The following LRBA variants were observed in gnomAD, a reference collection of about 807,000 sequenced individuals.
LRBA encodes the protein LPS responsive beige-like anchor protein, also known as lipopolysaccharide-responsive and beige-like anchor protein.
In LRBA, 176 loss-of-function variants were observed where a neutral mutation model predicts 330.0. That is an observed-to-expected ratio of 0.53 (90% CI 0.47 to 0.60). LRBA has a LOEUF of 0.60. Among genes scored for constraint, LRBA ranks in the 20% least tolerant of loss-of-function variants. LRBA has a pLI of 0.00. For missense variants in LRBA, 3,259 were observed against 3,444.8 expected, an observed-to-expected ratio of 0.95 and a Z score of 1.35; for synonymous variants, 1,230 against 1,193.0, an observed-to-expected ratio of 1.03 and a Z score of -0.64.
intron 46 of LRBA, chr4:150,423,317 G>T: frequency 1.3e-6 from 1 of 751,040 alleles, no homozygotes; most frequent in Non-Finnish European, 2.3e-6. Flanking sequence ...TCCTCTCCCT[G>T]GGGGACGAGC....
chr4:150,475,793 A>G (rs1236023996), intron 42 of LRBA, among the ~76,000 whole-genome samples: 2 of 151,818 alleles, frequency 1.3e-5, no homozygotes, highest in Non-Finnish European at 2.9e-5. Flanking sequence ...AGTCTCAGCT[A>G]CTCAGGAGGC....
At chr4:150,984,403 G>A (rs1260327370) in intron 2 of LRBA, among the ~76,000 whole-genome samples, 4 of 152,142 alleles carry the variant, frequency 2.6e-5, no homozygotes, top group African/African-American at 9.7e-5. Flanking sequence ...CAGCTACTCT[G>A]GAGGCTGAGA....
At chr4:150,874,331 C>G (rs568130716) in intron 17 of LRBA, among the ~76,000 whole-genome samples, 24 of 152,030 alleles carry the variant, frequency 1.6e-4, no homozygotes, top group Admixed American at 5.9e-4. Context: ...GGGAAAGACA[C>G]CAGGAAAAGT....
At chr4:150,282,722 TCAAA>T in intron 54 of LRBA, 76 bp from the exon 55 acceptor site, 1 of 1,040,552 alleles carries the variant, frequency 9.6e-7, no homozygotes, top group Middle Eastern at 3.1e-4. Context: ...TGAGCACAGA[TCAAA>T]CAGGATTATA....
intron 47 of LRBA, among the ~76,000 whole-genome samples, chr4:150,389,885 A>T (rs900679010): frequency 6.7e-5 from 10 of 148,918 alleles, no homozygotes; most frequent in Non-Finnish European, 1.2e-4. Context: ...GAATACAGAG[A>T]TCTGGACTTC....
intron 37 of LRBA, among the ~76,000 whole-genome samples, chr4:150,628,266 C>A (rs1777036209): frequency 6.6e-6 from 1 of 151,974 alleles, no homozygotes; most frequent in East Asian, 1.9e-4. Flanking sequence ...AATTTTTCTC[C>A]TTTTTTTGAC....
intron 35 of LRBA, 133 bp downstream of exon 35, chr4:150,761,650 T>C (rs1735104060): frequency 5.7e-6 from 3 of 526,304 alleles, no homozygotes; most frequent in Non-Finnish European, 6.7e-6. Context: ...TACATAATAA[T>C]TGATATATCA....
intron 34 of LRBA, among the ~76,000 whole-genome samples, chr4:150,784,588 T>C (rs1205540477): frequency 2.0e-5 from 3 of 152,184 alleles, no homozygotes; most frequent in East Asian, 3.8e-4. Context: ...CTGAGCCCTA[T>C]GCAAATCAGA....
At chr4:150,285,796 TTAAA>T (rs1206489440) in intron 54 of LRBA, 133 bp downstream of exon 54, 21 of 472,252 alleles carry the variant, frequency 4.4e-5, no homozygotes, top group African/African-American at 3.0e-4. Context: ...TTTAAATAAT[TTAAA>T]TAGTTCCATA....
intron 9 of LRBA, among the ~76,000 whole-genome samples, chr4:150,911,455 T>A (rs892962186): frequency 2.6e-5 from 4 of 152,084 alleles, no homozygotes; most frequent in African/African-American, 9.7e-5. Flanking sequence ...TGATATATGA[T>A]CATATGGATT....
chr4:150,873,180 T>C (rs1426243869), intron 17 of LRBA, among the ~76,000 whole-genome samples: 2 of 152,116 alleles, frequency 1.3e-5, no homozygotes, highest in African/African-American at 2.4e-5. Context: ...AGGCTAATAA[T>C]AAATGATTAT....
intron 2 of LRBA, among the ~76,000 whole-genome samples, chr4:150,972,753 T>G (rs1292073486): frequency 1.3e-5 from 2 of 152,176 alleles, no homozygotes; most frequent in Non-Finnish European, 2.9e-5. Flanking sequence ...CTAAAGGCAA[T>G]CAAGTGGAAT....
At chr4:150,680,832 C>T (rs1448359639) in intron 37 of LRBA, among the ~76,000 whole-genome samples, 4 of 152,208 alleles carry the variant, frequency 2.6e-5, no homozygotes, top group African/African-American at 7.2e-5. Context: ...AAACCACTGC[C>T]GATCCCAGGC....
At chr4:150,334,831 G>T (rs1447245117) in intron 48 of LRBA, among the ~76,000 whole-genome samples, 3 of 113,630 alleles carry the variant, frequency 2.6e-5, no homozygotes, top group African/African-American at 3.2e-5. Context: ...TTTTGTCTTG[G>T]TTTTTTTTTT....
chr4:150,315,621 G>T lies in LRBA; in HGVS notation c.7633C>A (p.His2545Asn). 1 of 1,575,462 alleles carries T rather than the reference G, an allele frequency of 6.3e-7. No individual in the cohort carries two copies. Among genetic ancestry groups the T allele is most frequent in the Non-Finnish European group, 8.6e-7 (1 of 1,166,752 alleles). The change falls in exon 51 of 57, where the codon CAT (histidine) becomes AAT (asparagine). Residue 2545 changes from histidine (H) to asparagine (N), a missense_variant and splice_region_variant. Transcript: ENST00000651943. Reference protein sequence around the residue: ...AVNKWHNLPAHQGAVQDQPYQ... With the variant: ...AVNKWHNLPANQGAVQDQPYQ... ...GGCTGGTCTTGTACAGCACCTTGAT[G>T]AGCTGGAATTCACAAAAGATAAAGA...
intron 40 of LRBA, among the ~76,000 whole-genome samples, chr4:150,494,209 CATTGTATAT>C (rs1274634987): frequency 6.6e-6 from 1 of 152,152 alleles, no homozygotes; most frequent in Non-Finnish European, 1.5e-5. Flanking sequence ...ACAGAGCTTC[CATTGTATAT>C]ACCACATTGC....
At chr4:150,467,921 C>T (rs1755636763) in intron 43 of LRBA, 136 bp from the exon 44 acceptor site, 1 of 489,076 alleles carries the variant, frequency 2.0e-6, no homozygotes, top group Non-Finnish European at 3.7e-6. Flanking sequence ...TACTTTCTCT[C>T]ATTTAATCCT....
chr4:150,489,601 A>G (rs1321638751), intron 41 of LRBA, among the ~76,000 whole-genome samples: 27 of 54,258 alleles, frequency 5.0e-4, no homozygotes, highest in Admixed American at 7.9e-4. Context: ...ATATAAGAAT[A>G]TATAATATAT....
At chr4:150,876,206 T>G (rs1250542365) in intron 17 of LRBA, among the ~76,000 whole-genome samples, 1 of 152,048 alleles carries the variant, frequency 6.6e-6, no homozygotes, top group Admixed American at 6.6e-5. Flanking sequence ...TGAAAAAAAG[T>G]CTTCAAGAAA....
Sources: allele counts gnomAD v4.1 joint callset (sites outside exome capture counted in the v4.1 genomes callset), GRCh38; gene constraint gnomAD v4.1.1; transcripts MANE v1.5; gene names NCBI Gene and HGNC (gene_info 2026-07-23, HGNC 2026-07-21).